The following CTNNA2 variants were observed in gnomAD, a reference collection of about 807,000 sequenced individuals.
CTNNA2 encodes the protein catenin alpha-2.
Under a neutral mutation model 101.0 loss-of-function variants are expected in CTNNA2, and 42 were observed. The observed-to-expected ratio is 0.42, with a 90% CI of 0.32 to 0.54. The LOEUF is 0.54. CTNNA2 is among the 20% of genes least tolerant of loss of function. CTNNA2 has a pLI of 0.14. For missense variants in CTNNA2, 871 were observed against 1,223.1 expected (o/e 0.71, Z 4.29); for synonymous variants, 450 against 456.4 (o/e 0.99, Z 0.18).
intron 6 of CTNNA2, among the ~76,000 whole-genome samples, chr2:79,886,041 T>G (rs1574228607): frequency 6.6e-6 from 1 of 152,264 alleles, no homozygotes; most frequent in African/African-American, 2.4e-5. Flanking sequence ...GTGTCATATG[T>G]AAAAGGAGAA....
At chr2:80,552,003 A>G (rs1386077514) in intron 11 of CTNNA2, among the ~76,000 whole-genome samples, 1 of 152,004 alleles carries the variant, frequency 6.6e-6, no homozygotes, top group Non-Finnish European at 1.5e-5. Context: ...CCTAATTTTA[A>G]TATTGTTGCG....
intron 7 of CTNNA2, among the ~76,000 whole-genome samples, chr2:79,983,134 G>GTATATA (rs1264493729): frequency 6.8e-6 from 1 of 146,826 alleles, no homozygotes; most frequent in Non-Finnish European, 1.5e-5. Flanking sequence ...ATATATATGT[G>GTATATA]TATATATATA....
intron 2 of CTNNA2, among the ~76,000 whole-genome samples, chr2:79,226,706 A>C (rs1245755062): frequency 6.6e-6 from 1 of 152,312 alleles, no homozygotes; most frequent in East Asian, 1.9e-4. Flanking sequence ...GAACAAATCC[A>C]AATTGCCCTA....
intron 3 of CTNNA2, among the ~76,000 whole-genome samples, chr2:79,823,411 G>C (rs552064372): frequency 6.6e-6 from 1 of 152,204 alleles, no homozygotes; most frequent in Non-Finnish European, 1.5e-5. Flanking sequence ...CCAGCTACTT[G>C]GGTGACTGAG....
chr2:79,825,912 G>A (rs1017348244), intron 3 of CTNNA2, among the ~76,000 whole-genome samples: 1 of 152,052 alleles, frequency 6.6e-6, no homozygotes, highest in African/African-American at 2.4e-5. Context: ...AAATATCAAT[G>A]TATCATTATA....
At chr2:80,220,152 T>C (rs58668443) in intron 7 of CTNNA2, among the ~76,000 whole-genome samples, 3,214 of 152,266 alleles carry the variant, frequency 0.021, 38 homozygotes, top group East Asian at 0.05. Flanking sequence ...CCTGTAACTG[T>C]AAAAGTTCAC....
intron 3 of CTNNA2, among the ~76,000 whole-genome samples, chr2:79,851,243 A>G (rs1680675290): frequency 6.6e-6 from 1 of 152,230 alleles, no homozygotes; most frequent in Non-Finnish European, 1.5e-5. Flanking sequence ...TTTGTCTCAA[A>G]TGAAGATATT....
chr2:80,358,495 T>A (rs566417197), intron 7 of CTNNA2, among the ~76,000 whole-genome samples: 7 of 151,840 alleles, frequency 4.6e-5, no homozygotes, highest in Admixed American at 2.0e-4. Flanking sequence ...GAATTACAGG[T>A]GCCCACCACC....
At chr2:80,331,760 A>G (rs1671354255) in intron 7 of CTNNA2, among the ~76,000 whole-genome samples, 1 of 152,184 alleles carries the variant, frequency 6.6e-6, no homozygotes, top group Non-Finnish European at 1.5e-5. Context: ...GAAAAGAGTG[A>G]GGGTCCCCAC....
At chr2:79,266,763 G>C (rs567879508) in intron 2 of CTNNA2, among the ~76,000 whole-genome samples, 1 of 152,144 alleles carries the variant, frequency 6.6e-6, no homozygotes, top group East Asian at 1.9e-4. Flanking sequence ...CAGCATTTGA[G>C]AGATATGAAT....
At chr2:80,487,984 T>C (rs1686733481) in intron 9 of CTNNA2, among the ~76,000 whole-genome samples, 1 of 152,250 alleles carries the variant, frequency 6.6e-6, no homozygotes, top group Admixed American at 6.5e-5. Context: ...ATTAAATTTG[T>C]AGATCTTTTT....
At position 80,471,853 on chromosome 2, in the gene CTNNA2, G is replaced by A. The variant is rs114717014; in HGVS notation, c.1290+52252G>A. 7.3e-3 allele frequency among the ~76,000 whole-genome samples: 1,116 copies of A among 152,250 alleles called. 15 individuals carry two copies. Among genetic ancestry groups the A allele is most frequent in the African/African-American group, 0.025 (1,023 of 41,536 alleles). Reference sequence around the variant, plus strand: ...AAATGCATAAAGAAGGTGGCCGGGCGTAGTGGCCCATGCCTGTAATCACAG... The same window carrying A: ...AAATGCATAAAGAAGGTGGCCGGGCATAGTGGCCCATGCCTGTAATCACAG... On this transcript the variant is annotated intron_variant, in intron 9 of 18. Coordinates refer to ENST00000402739, the MANE Select transcript of CTNNA2 (RefSeq NM_001282597.3).
At chr2:79,316,852 A>G (rs925368693) in intron 3 of CTNNA2, among the ~76,000 whole-genome samples, 3 of 151,944 alleles carry the variant, frequency 2.0e-5, no homozygotes, top group Admixed American at 6.6e-5. Context: ...ACCTGTATAT[A>G]CAGACAATTT....
At chr2:79,521,970 A>G (rs1280427359) in intron 1 of CTNNA2, among the ~76,000 whole-genome samples, 1 of 152,194 alleles carries the variant, frequency 6.6e-6, no homozygotes, top group Non-Finnish European at 1.5e-5. Flanking sequence ...GACAGGAAGC[A>G]AAAGTCAGTG....
intron 7 of CTNNA2, among the ~76,000 whole-genome samples, chr2:79,941,045 G>C (rs754513682): frequency 3.9e-5 from 6 of 152,176 alleles, no homozygotes; most frequent in Non-Finnish European, 7.3e-5. Context: ...TGAGGGACTG[G>C]TAGTCTTGAG....
intron 8 of CTNNA2, among the ~76,000 whole-genome samples, chr2:80,412,341 C>T (rs1045410674): frequency 6.6e-6 from 1 of 152,204 alleles, no homozygotes; most frequent in Non-Finnish European, 1.5e-5. Context: ...CATGACTTGT[C>T]TCTTTGTTAT....
intron 4 of CTNNA2, among the ~76,000 whole-genome samples, chr2:79,399,832 T>G (rs993740716): frequency 6.6e-6 from 1 of 151,984 alleles, no homozygotes; most frequent in African/African-American, 2.4e-5. Context: ...TATATTCAAA[T>G]AACTAAAGGA....
chr2:80,636,163 T>C (rs1322856481), intron 18 of CTNNA2, among the ~76,000 whole-genome samples: 3 of 152,100 alleles, frequency 2.0e-5, no homozygotes, highest in African/African-American at 7.2e-5. Context: ...AAGATTGTTG[T>C]ACTTATGTTC....
At chr2:80,529,771 A>G (rs1163084139) in intron 9 of CTNNA2, among the ~76,000 whole-genome samples, 1 of 152,164 alleles carries the variant, frequency 6.6e-6, no homozygotes, top group Non-Finnish European at 1.5e-5. Context: ...ACACCAACTT[A>G]AGCTTTATTT....
Sources: gnomAD v4.1 joint callset for allele counts (sites outside exome capture counted in the v4.1 genomes callset) on GRCh38, gnomAD v4.1.1 for gene constraint, MANE v1.5 for transcripts, NCBI Gene and HGNC (gene_info 2026-07-23, HGNC 2026-07-21) for gene names.